NOS1AP: variants seen among roughly 807,000 people sequenced by gnomAD.
NOS1AP encodes nitric oxide synthase 1 adaptor protein, also known as carboxyl-terminal PDZ ligand of neuronal nitric oxide synthase protein.
In NOS1AP, 21 loss-of-function variants were observed where a neutral mutation model predicts 56.2. That is an observed-to-expected ratio of 0.37 (90% CI 0.26 to 0.54). NOS1AP has a LOEUF of 0.54. Ranked by LOEUF, NOS1AP falls within the 20% of genes least tolerant of loss-of-function variation. The pLI, the probability that NOS1AP is intolerant of heterozygous loss-of-function variation, is 0.84. For synonymous variants in NOS1AP, 270 were observed against 274.6 expected, an observed-to-expected ratio of 0.98 and a Z score of 0.17; for missense variants, 522 against 657.8, an observed-to-expected ratio of 0.79 and a Z score of 2.26.
At chr1:162,345,788 A>G (rs1657274672) in intron 6 of NOS1AP, among the ~76,000 whole-genome samples, 1 of 152,214 alleles carries the variant, frequency 6.6e-6, no homozygotes, top group Non-Finnish European at 1.5e-5. Flanking sequence ...AGTACTGTGC[A>G]CTTCAGAATT....
intron 4 of NOS1AP, among the ~76,000 whole-genome samples, chr1:162,318,721 C>T (rs1656311421): frequency 6.6e-6 from 1 of 152,022 alleles, no homozygotes; most frequent in African/African-American, 2.4e-5. Flanking sequence ...CCAGTCTATG[C>T]TCCTCTGCCC....
chr1:162,332,488 G>A (rs1011608295), intron 4 of NOS1AP, among the ~76,000 whole-genome samples: 1 of 152,192 alleles, frequency 6.6e-6, no homozygotes, highest in Non-Finnish European at 1.5e-5. Context: ...GTTGAATCAT[G>A]GAATGAACAC....
chr1:162,361,957 A>G (rs549842001), intron 8 of NOS1AP, among the ~76,000 whole-genome samples: 2 of 152,300 alleles, frequency 1.3e-5, no homozygotes, highest in East Asian at 3.9e-4. Flanking sequence ...TACTGACCAC[A>G]ATGTCAACCT....
intron 6 of NOS1AP, among the ~76,000 whole-genome samples, chr1:162,347,113 G>A (rs1003464931): frequency 6.6e-6 from 1 of 152,228 alleles, no homozygotes. Flanking sequence ...ACCTCTAGCT[G>A]GTTGCTTGGC....
intron 1 of NOS1AP, among the ~76,000 whole-genome samples, chr1:162,075,911 C>T (rs1226683704): frequency 1.3e-5 from 2 of 152,152 alleles, no homozygotes; most frequent in Non-Finnish European, 2.9e-5. Flanking sequence ...ATTTGATGGA[C>T]AAATCTATTT....
chr1:162,071,576 A>G (rs1436011847), intron 1 of NOS1AP, among the ~76,000 whole-genome samples: 1 of 152,194 alleles, frequency 6.6e-6, no homozygotes. Context: ...TAGTCCCCCG[A>G]AACATTAAAC....
At chr1:162,147,493 GCTTT>G (rs1649524107) in intron 1 of NOS1AP, among the ~76,000 whole-genome samples, 1 of 152,254 alleles carries the variant, frequency 6.6e-6, no homozygotes, top group South Asian at 2.1e-4. Context: ...AATGTTTCGA[GCTTT>G]CTGTCTTGCT....
intron 2 of NOS1AP, among the ~76,000 whole-genome samples, chr1:162,172,744 A>C (rs1338861867): frequency 6.6e-6 from 1 of 152,134 alleles, no homozygotes; most frequent in South Asian, 2.1e-4. Context: ...GTTTGTTTTC[A>C]TCTCAAGGTT....
At chr1:162,326,265 G>A (rs1041959573) in intron 4 of NOS1AP, among the ~76,000 whole-genome samples, 2 of 152,122 alleles carry the variant, frequency 1.3e-5, no homozygotes, top group African/African-American at 4.8e-5. Context: ...AGCAGGAGGC[G>A]AGGAACATGG....
intron 1 of NOS1AP, among the ~76,000 whole-genome samples, chr1:162,092,842 C>T (rs1692164583): frequency 1.3e-5 from 2 of 151,996 alleles, no homozygotes; most frequent in Non-Finnish European, 2.9e-5. Flanking sequence ...CAGGCCAAGC[C>T]CTTATTCTTC....
At chr1:162,312,608 T>G (rs1656077108) in intron 4 of NOS1AP, among the ~76,000 whole-genome samples, 1 of 148,218 alleles carries the variant, frequency 6.7e-6, no homozygotes. Context: ...TTTGTCAATT[T>G]TGGCTTTTGT....
rs1650550917 is a variant in NOS1AP, at chr1:162,167,396, A to G, written c.177+12920A>G. ...ATTCATGATCTTTTCCTTTTTACTC[A>G]GCCTCTCTCCTCAGCTGCCTGAGCC... On this transcript the variant is annotated intron_variant, in intron 2 of 9. Coordinates refer to ENST00000361897, the MANE Select transcript of NOS1AP (RefSeq NM_014697.3). Among the ~76,000 whole-genome samples the G allele has an allele frequency of 2.0e-5, 3 of 152,242 alleles. No individual in the cohort carries two copies. The East Asian group carries it at 5.8e-4, about 29-fold the overall frequency.
intron 4 of NOS1AP, among the ~76,000 whole-genome samples, chr1:162,313,614 G>C (rs1042322827): frequency 1.3e-5 from 2 of 152,240 alleles, no homozygotes; most frequent in East Asian, 1.9e-4. Flanking sequence ...ACTCCTGTCA[G>C]TGAGATGGAC....
intron 4 of NOS1AP, among the ~76,000 whole-genome samples, chr1:162,309,479 A>G (rs1337355734): frequency 6.6e-6 from 1 of 152,250 alleles, no homozygotes. Flanking sequence ...GTGCTTATCA[A>G]GTGCTGAAGC....
chr1:162,226,584 A>G (rs917926564), intron 2 of NOS1AP, among the ~76,000 whole-genome samples: 6 of 152,222 alleles, frequency 3.9e-5, no homozygotes, highest in Non-Finnish European at 7.3e-5. Flanking sequence ...AGGGGACCCT[A>G]ACAGAGTAAC....
chr1:162,127,252 C>T lies in NOS1AP; in HGVS notation c.106-27153C>T, dbSNP rs557527299. ...GATCTTACTTATGGTATTTCTCTAC[C>T]CCAACCACATATAACTTTTTGTTTG... is the stretch of plus-strand genomic sequence containing the variant. On this transcript the variant is annotated intron_variant, in intron 1 of 9. Coordinates refer to ENST00000361897, the MANE Select transcript of NOS1AP (RefSeq NM_014697.3). 2.2e-3 allele frequency among the ~76,000 whole-genome samples: 331 copies of T among 152,006 alleles called. 1 individual carries two copies. Among genetic ancestry groups the T allele is most frequent in the African/African-American group, 7.4e-3 (308 of 41,470 alleles).
In NOS1AP at chr1:162,258,062, A is replaced by G. The variant is rs78349744; in HGVS notation, c.178-29282A>G. ...TAATTCTCCAGTGCTCATTTCCTCC[A>G]AATGTACAGGCCTGTTTGCTTTTCC... On this transcript the variant is annotated intron_variant, in intron 2 of 9. Coordinates refer to ENST00000361897, the MANE Select transcript of NOS1AP (RefSeq NM_014697.3). Among the ~76,000 whole-genome samples the G allele has an allele frequency of 3.8e-3, 582 of 152,176 alleles. 8 individuals carry two copies. Among genetic ancestry groups the G allele is most frequent in the African/African-American group, 0.013 (551 of 41,510 alleles).
chr1:162,275,547 A>C (rs1654706427), intron 2 of NOS1AP, among the ~76,000 whole-genome samples: 1 of 152,192 alleles, frequency 6.6e-6, no homozygotes. Flanking sequence ...TGATCTGGTC[A>C]CATCTCACTC....
intron 3 of NOS1AP, among the ~76,000 whole-genome samples, chr1:162,295,698 T>C (rs1001661763): frequency 6.6e-6 from 1 of 152,222 alleles, no homozygotes; most frequent in Admixed American, 6.5e-5. Flanking sequence ...AAGACATTGG[T>C]GACAATCATA....
Sources: allele counts gnomAD v4.1 joint callset (sites outside exome capture counted in the v4.1 genomes callset), GRCh38; gene constraint gnomAD v4.1.1; transcripts MANE v1.5; gene names NCBI Gene and HGNC (gene_info 2026-07-23, HGNC 2026-07-21).